The following LINGO2 variants were observed in gnomAD, a reference collection of about 807,000 sequenced individuals.
LINGO2 encodes the protein leucine-rich repeat and immunoglobulin-like domain-containing nogo receptor-interacting protein 2.
In LINGO2, 14 loss-of-function variants were observed where a neutral mutation model predicts 30.6. That is an observed-to-expected ratio of 0.46 (90% CI 0.30 to 0.72). LINGO2 has a LOEUF of 0.72. Ranked by LOEUF, LINGO2 falls within the 30% of genes least tolerant of loss-of-function variation. The pLI is 0.07. For missense variants in LINGO2, 729 were observed against 751.7 expected (o/e 0.97, Z 0.35); for synonymous variants, 317 against 288.5 (o/e 1.10, Z -1.00).
intron 1 of LINGO2, among the ~76,000 whole-genome samples, chr9:28,631,511 C>T (rs1587989717): frequency 6.6e-6 from 1 of 152,102 alleles, no homozygotes; most frequent in Non-Finnish European, 1.5e-5. Flanking sequence ...GGAATCCTTT[C>T]CCCACTTCTT....
At chr9:28,261,673 A>C (rs1356696003) in intron 4 of LINGO2, among the ~76,000 whole-genome samples, 1 of 151,922 alleles carries the variant, frequency 6.6e-6, no homozygotes, top group Admixed American at 6.6e-5. Context: ...TAATTCTTTG[A>C]GAAAAAAAAT....
At chr9:29,086,461 C>T in the LINGO2 span, among the ~76,000 whole-genome samples, 1 of 151,648 alleles carries the variant, frequency 6.6e-6, no homozygotes, top group African/African-American at 2.4e-5. Context: ...AGTCTTAGTT[C>T]AGGCATTATG....
At chr9:28,876,661 T>C in the LINGO2 span, among the ~76,000 whole-genome samples, 3 of 152,166 alleles carry the variant, frequency 2.0e-5, no homozygotes, top group African/African-American at 7.2e-5. Context: ...TGCTGGACAT[T>C]TGGGTTGGTT....
intron 2 of LINGO2, among the ~76,000 whole-genome samples, chr9:28,434,510 G>T (rs1413949056): frequency 7.4e-6 from 1 of 135,602 alleles, no homozygotes. Flanking sequence ...AGCACTGCCA[G>T]AATAAAGTTC....
chr9:28,323,527 G>T (rs985898188), intron 3 of LINGO2, among the ~76,000 whole-genome samples: 4 of 152,146 alleles, frequency 2.6e-5, no homozygotes, highest in Non-Finnish European at 5.9e-5. Flanking sequence ...TTGAACCTGG[G>T]AGGCAGAGGT....
the LINGO2 span, among the ~76,000 whole-genome samples, chr9:28,966,946 G>A: frequency 6.6e-6 from 1 of 151,946 alleles, no homozygotes; most frequent in African/African-American, 2.4e-5. Flanking sequence ...TTAAAGAATA[G>A]AGAAACATAT....
At chr9:28,536,227 C>T (rs1238613476) in intron 1 of LINGO2, among the ~76,000 whole-genome samples, 2 of 152,022 alleles carry the variant, frequency 1.3e-5, no homozygotes, top group East Asian at 1.9e-4. Flanking sequence ...GATAAGATAT[C>T]AAATTTTACA....
At chr9:28,089,261 C>A (rs1342171231) in intron 4 of LINGO2, among the ~76,000 whole-genome samples, 2 of 152,210 alleles carry the variant, frequency 1.3e-5, no homozygotes, top group Non-Finnish European at 2.9e-5. Context: ...ACAGAATATA[C>A]ATTCTTCTCA....
chr9:29,032,522 A>G, the LINGO2 span, among the ~76,000 whole-genome samples: 3 of 152,208 alleles, frequency 2.0e-5, no homozygotes, highest in South Asian at 2.1e-4. Context: ...ATGTGTGTAT[A>G]ATGTCTCAAA....
chr9:28,264,987 T>G (rs1181824644), intron 4 of LINGO2, among the ~76,000 whole-genome samples: 2 of 151,886 alleles, frequency 1.3e-5, no homozygotes, highest in African/African-American at 4.8e-5. Flanking sequence ...CATCAACTCC[T>G]GCTAAGTTTC....
intron 2 of LINGO2, among the ~76,000 whole-genome samples, chr9:28,387,496 C>G (rs969278647): frequency 6.6e-6 from 1 of 152,316 alleles, no homozygotes; most frequent in African/African-American, 2.4e-5. Flanking sequence ...GGGGCCCCTT[C>G]CACGTTGTAG....
At chr9:28,754,612 T>C in the LINGO2 span, among the ~76,000 whole-genome samples, 170 of 151,974 alleles carry the variant, frequency 1.1e-3, 1 homozygote, top group African/African-American at 3.9e-3. Flanking sequence ...TCTGAAACTT[T>C]TATCTGTTTA....
the LINGO2 span, among the ~76,000 whole-genome samples, chr9:28,987,272 G>T: frequency 6.6e-6 from 1 of 151,644 alleles, no homozygotes; most frequent in African/African-American, 2.4e-5. Context: ...TTCAGTCTTG[G>T]TAGGTTGTAT....
chr9:28,857,106 T>C, the LINGO2 span, among the ~76,000 whole-genome samples: 1 of 152,092 alleles, frequency 6.6e-6, no homozygotes, highest in South Asian at 2.1e-4. Context: ...GTTTGAGCAG[T>C]CTAAGTAGAT....
At chr9:28,243,585 G>A (rs1160163455) in intron 4 of LINGO2, among the ~76,000 whole-genome samples, 1 of 151,714 alleles carries the variant, frequency 6.6e-6, no homozygotes, top group Admixed American at 6.6e-5. Flanking sequence ...AAAATAAAGG[G>A]ATGGAAGAAT....
chr9:28,198,080 CT>C (rs201741847), intron 4 of LINGO2, among the ~76,000 whole-genome samples: 28 of 145,448 alleles, frequency 1.9e-4, no homozygotes, highest in East Asian at 4.0e-4. Context: ...ATTACATTCA[CT>C]TTTTTTTTTT....
At chr9:29,157,220 T>C in the LINGO2 span, among the ~76,000 whole-genome samples, 3 of 152,116 alleles carry the variant, frequency 2.0e-5, no homozygotes, top group South Asian at 6.2e-4. Flanking sequence ...ATTTTCACAA[T>C]TAGTGGACAG....
chr9:28,088,087 G>A (rs1038240898), intron 4 of LINGO2, among the ~76,000 whole-genome samples: 3 of 151,692 alleles, frequency 2.0e-5, no homozygotes, highest in South Asian at 2.1e-4. Context: ...AACTAATTTC[G>A]GATAAGAGAT....
chr9:28,814,054 T>G, the LINGO2 span, among the ~76,000 whole-genome samples: 1 of 152,286 alleles, frequency 6.6e-6, no homozygotes, highest in Non-Finnish European at 1.5e-5. Context: ...TTTATAGAGA[T>G]AATTCAGCTT....
Sources: allele counts gnomAD v4.1 joint callset (sites outside exome capture counted in the v4.1 genomes callset), GRCh38; gene constraint gnomAD v4.1.1; transcripts MANE v1.5; gene names NCBI Gene and HGNC (gene_info 2026-07-23, HGNC 2026-07-21).